Variants in SORBS2 observed in about 807,000 individuals in gnomAD.
The protein encoded by SORBS2 is sorbin and SH3 domain containing 2, also known as sorbin and SH3 domain-containing protein 2.
Under a neutral mutation model 97.7 loss-of-function variants are expected in SORBS2, and 46 were observed. That is an observed-to-expected ratio of 0.47 (90% CI 0.37 to 0.60). The LOEUF (loss-of-function observed/expected upper bound fraction) is 0.60, where lower values mean the gene tolerates loss of function less well. SORBS2 is among the 20% of genes least tolerant of loss of function. SORBS2 has a pLI of 0.00. For missense variants in SORBS2, 1,316 were observed against 1,282.3 expected (o/e 1.03, Z -0.40); for synonymous variants, 476 against 473.4 (o/e 1.01, Z -0.07).
chr4:185,921,528 A>C (rs946698567), intron 1 of SORBS2, among the ~76,000 whole-genome samples: 1 of 151,662 alleles, frequency 6.6e-6, no homozygotes, highest in African/African-American at 2.4e-5. Context: ...AGAGGAAGAG[A>C]AAAAAAAAGA....
chr4:185,891,066 G>C (rs964002937), intron 1 of SORBS2, among the ~76,000 whole-genome samples: 7 of 152,140 alleles, frequency 4.6e-5, no homozygotes, highest in Non-Finnish European at 7.3e-5. Context: ...ATTCCTTTCA[G>C]ATCTAAAATG....
intron 1 of SORBS2, among the ~76,000 whole-genome samples, chr4:185,886,684 T>G (rs963605619): frequency 2.0e-5 from 3 of 151,218 alleles, no homozygotes; most frequent in African/African-American, 7.3e-5. Flanking sequence ...TGTGGGAAAG[T>G]ACATGCTAAA....
chr4:185,747,681 A>G (rs1004346329), intron 2 of SORBS2, among the ~76,000 whole-genome samples: 1 of 151,994 alleles, frequency 6.6e-6, no homozygotes, highest in Non-Finnish European at 1.5e-5. Flanking sequence ...CCCAGCCTGC[A>G]CTACTCCGTG....
In SORBS2 at chr4:185,627,322, G is replaced by A. The variant is rs111754177; in HGVS notation, c.447-303C>T. 5.2e-3 allele frequency among the ~76,000 whole-genome samples: 793 copies of A among 152,242 alleles called. 4 individuals carry two copies. Among genetic ancestry groups the A allele is most frequent in the African/African-American group, 0.018 (755 of 41,546 alleles). ...ACTCCTGGGCTCAAGGGATACTCCC[G>A]CCTCAACCTCCTGAGTAGCTGGGAC... On this transcript the variant is annotated intron_variant, in intron 5 of 14. Transcript: ENST00000418609.
chr4:185,588,593 C>CCCTCCT (rs1229842759), intron 14 of SORBS2, among the ~76,000 whole-genome samples: 1 of 65,228 alleles, frequency 1.5e-5, no homozygotes, highest in Non-Finnish European at 3.2e-5. Flanking sequence ...CGTTTCTCCT[C>CCCTCCT]CCTCCTCCTC....
chr4:185,860,058 G>C (rs2099222820), intron 1 of SORBS2, among the ~76,000 whole-genome samples: 1 of 152,084 alleles, frequency 6.6e-6, no homozygotes, highest in Non-Finnish European at 1.5e-5. Flanking sequence ...TACATAAAAG[G>C]TCACTTGTAA....
rs1243676547 is a variant in SORBS2 at position 185,676,303 on chromosome 4, G to A, written c.-46+2120C>T. ...TTAAAATCTACAGCTTATCCTTAAAGTTTGTGCTTTTAGCACTACATTGTT... is the reference window on the plus strand; with the variant it reads ...TTAAAATCTACAGCTTATCCTTAAAATTTGTGCTTTTAGCACTACATTGTT... On this transcript the variant is annotated intron_variant, in intron 4 of 20. Coordinates refer to the SORBS2 transcript ENST00000284776. Among the ~76,000 whole-genome samples the A allele has an allele frequency of 5.9e-5, 9 of 152,266 alleles. No individual in the cohort carries two copies. In the East Asian group the frequency reaches 1.7e-3, roughly 29 times the overall value.
chr4:185,737,708 G>A (rs2098696860), intron 2 of SORBS2, among the ~76,000 whole-genome samples: 2 of 152,164 alleles, frequency 1.3e-5, no homozygotes, highest in South Asian at 4.1e-4. Flanking sequence ...CAGATATGAG[G>A]AAGGCAAGGA....
At chr4:185,744,920 T>C (rs1039240) in intron 2 of SORBS2, among the ~76,000 whole-genome samples, 150,698 of 152,340 alleles carry the variant, frequency 0.99, 74,540 homozygotes, top group East Asian at 1. Context: ...TCTTTTGGAT[T>C]GGGGGCTCAG....
At chr4:185,597,185 C>T (rs926793849) in intron 12 of SORBS2, among the ~76,000 whole-genome samples, 2 of 152,166 alleles carry the variant, frequency 1.3e-5, no homozygotes, top group African/African-American at 2.4e-5. Flanking sequence ...GGCTCATCTG[C>T]GTCTTTCTGT....
chr4:185,655,732 C>T (rs2097389412), intron 1 of SORBS2, among the ~76,000 whole-genome samples: 1 of 152,194 alleles, frequency 6.6e-6, no homozygotes, highest in African/African-American at 2.4e-5. Flanking sequence ...TAATTTTCAT[C>T]AACCATCTCT....
chr4:185,645,214 T>C (rs764201169), intron 4 of SORBS2, among the ~76,000 whole-genome samples: 17 of 152,246 alleles, frequency 1.1e-4, no homozygotes, highest in Non-Finnish European at 2.4e-4. Context: ...ACTAGAAAGA[T>C]CATTAAAATT....
rs1253747925 is a variant in SORBS2, at chr4:185,908,292, T to TATATATATATATTTGTATACACACAA, written c.-338+47903_-338+47904insTTGTGTGTATACAAATATATATATAT. Among the ~76,000 whole-genome samples, 655 of 66,774 alleles carry TATATATATATATTTGTATACACACAA rather than the reference T, an allele frequency of 9.8e-3. 11 individuals carry two copies. Among genetic ancestry groups the TATATATATATATTTGTATACACACAA allele is most frequent in the East Asian group, 0.016 (33 of 2,052 alleles). The allele number at this position is 66,774 out of a possible 152,430, so 43.8% of individuals were successfully genotyped here. On this transcript the variant is annotated intron_variant, in intron 1 of 20. Transcript: ENST00000284776. ...CATGCAAAGGCTATATATATATATA[T>TATATATATATATTTGTATACACACAA]ATATATATATATATATATATATATA...
At chr4:185,818,581 G>A (rs952893245) in intron 1 of SORBS2, among the ~76,000 whole-genome samples, 11 of 152,082 alleles carry the variant, frequency 7.2e-5, no homozygotes, top group Admixed American at 2.0e-4. Context: ...CTGCATCAAA[G>A]GAAGACTATT....
intron 13 of SORBS2, among the ~76,000 whole-genome samples, chr4:185,590,967 A>AT (rs1017341608): frequency 6.6e-6 from 1 of 152,158 alleles, no homozygotes; most frequent in Admixed American, 6.5e-5. Context: ...GGTATTTTAG[A>AT]TTTTTTCATG....
At chr4:185,903,462 A>T (rs933949605) in intron 1 of SORBS2, among the ~76,000 whole-genome samples, 1 of 152,162 alleles carries the variant, frequency 6.6e-6, no homozygotes, top group Admixed American at 6.5e-5. Context: ...GTCACCCATG[A>T]CTATCTGGAA....
At chr4:185,721,514 C>T (rs2098514525) in intron 2 of SORBS2, among the ~76,000 whole-genome samples, 5 of 152,180 alleles carry the variant, frequency 3.3e-5, no homozygotes, top group Admixed American at 3.3e-4. Flanking sequence ...GAAGCTTCTG[C>T]AGGCAAACTT....
chr4:185,723,306 T>A (rs2098530651), intron 2 of SORBS2, among the ~76,000 whole-genome samples: 1 of 152,162 alleles, frequency 6.6e-6, no homozygotes. Context: ...TTTCACTCTG[T>A]CTCCCTTAAG....
chr4:185,851,347 T>A (rs191557802), intron 1 of SORBS2, among the ~76,000 whole-genome samples: 1,612 of 152,278 alleles, frequency 0.011, 12 homozygotes, highest in Non-Finnish European at 0.017. Flanking sequence ...AGGTATTTTT[T>A]AAAGTGGTTC....
Sources: gnomAD v4.1 joint callset for allele counts (sites outside exome capture counted in the v4.1 genomes callset) on GRCh38, gnomAD v4.1.1 for gene constraint, MANE v1.5 for transcripts, NCBI Gene and HGNC (gene_info 2026-07-23, HGNC 2026-07-21) for gene names.